Variants in CCSER1 observed in about 807,000 individuals in gnomAD.
The protein encoded by CCSER1 is serine-rich coiled-coil domain-containing protein 1.
CCSER1 carries 41 observed loss-of-function variants against 82.0 expected under a neutral mutation model. The ratio of observed to expected loss-of-function variants is 0.50; its 90% CI spans 0.39 to 0.65. CCSER1 has a LOEUF of 0.65. Among genes scored for constraint, CCSER1 ranks in the 30% least tolerant of loss-of-function variants. The probability of loss-of-function intolerance (pLI) is 0.00; values close to 1 mark genes in which losing one functional copy is unlikely to be tolerated. For synonymous variants in CCSER1, 414 were observed against 383.9 expected (o/e 1.08, Z -0.92); for missense variants, 1,119 against 1,064.2 (o/e 1.05, Z -0.72).
intron 10 of CCSER1, among the ~76,000 whole-genome samples, chr4:91,558,052 G>T (rs1482072620): frequency 2.0e-5 from 3 of 150,274 alleles, no homozygotes; most frequent in Non-Finnish European, 3.0e-5. Flanking sequence ...ATATTACAAA[G>T]AATTTTTACT....
intron 9 of CCSER1, among the ~76,000 whole-genome samples, chr4:90,935,810 A>G (rs1021936595): frequency 2.4e-4 from 36 of 152,058 alleles, no homozygotes; most frequent in African/African-American, 8.5e-4. Context: ...ACTACTGGGG[A>G]AAAAAAGGCA....
chr4:91,237,273 G>C (rs931195242), intron 10 of CCSER1, among the ~76,000 whole-genome samples: 1 of 151,624 alleles, frequency 6.6e-6, no homozygotes, highest in African/African-American at 2.4e-5. Context: ...GTTTAAGAAA[G>C]ATACTTAGAC....
intron 10 of CCSER1, among the ~76,000 whole-genome samples, chr4:91,303,347 A>G (rs975103579): frequency 1.1e-4 from 16 of 152,096 alleles, no homozygotes; most frequent in African/African-American, 3.9e-4. Context: ...CACAGCCACA[A>G]AGAGCCTAAG....
chr4:90,490,912 T>C (rs1332643435), intron 5 of CCSER1, among the ~76,000 whole-genome samples: 13 of 152,140 alleles, frequency 8.5e-5, no homozygotes, highest in Admixed American at 8.5e-4. Context: ...CCATGCTGTT[T>C]TGGTTACTAT....
At chr4:90,242,350 C>T (rs541342361) in intron 1 of CCSER1, among the ~76,000 whole-genome samples, 2 of 152,100 alleles carry the variant, frequency 1.3e-5, no homozygotes, top group South Asian at 4.2e-4. Context: ...ATGTAGTGGA[C>T]CTAGGAGTAC....
At chr4:90,294,365 A>G (rs1488574294) in intron 1 of CCSER1, among the ~76,000 whole-genome samples, 1 of 151,994 alleles carries the variant, frequency 6.6e-6, no homozygotes, top group Non-Finnish European at 1.5e-5. Flanking sequence ...GAAAAAAAAT[A>G]CAAAGTCTTT....
intron 8 of CCSER1, among the ~76,000 whole-genome samples, chr4:90,826,265 T>G (rs919518053): frequency 6.6e-5 from 10 of 152,200 alleles, no homozygotes; most frequent in African/African-American, 2.4e-4. Flanking sequence ...TCTTTTGGAC[T>G]CTAGTACAGA....
At chr4:90,485,076 G>T (rs960784639) in intron 5 of CCSER1, among the ~76,000 whole-genome samples, 2 of 152,206 alleles carry the variant, frequency 1.3e-5, no homozygotes, top group Admixed American at 6.5e-5. Flanking sequence ...GAGCAATGGC[G>T]GGCGCCCCTC....
At chr4:91,134,606 G>A (rs1180041345) in intron 10 of CCSER1, among the ~76,000 whole-genome samples, 1 of 152,014 alleles carries the variant, frequency 6.6e-6, no homozygotes, top group Non-Finnish European at 1.5e-5. Context: ...GGGGAGATTG[G>A]AAAATTATTC....
In CCSER1 at chr4:90,276,255, C is replaced by CTTTGT. The variant is rs1560929917; in HGVS notation, c.-41-31987_-41-31986insTGTTT. ...CTTTCTTTCTTTCTTTCTTTCTTTC[C>CTTTGT]TTCCTTCCTTCCTTCCTTCCTTCCT... is the stretch of plus-strand genomic sequence containing the variant. On this transcript the variant is annotated intron_variant, in intron 1 of 10. Coordinates refer to ENST00000509176, the MANE Select transcript of CCSER1 (RefSeq NM_001145065.2). Among the ~76,000 whole-genome samples the CTTTGT allele has an allele frequency of 2.9e-3, 151 of 52,846 alleles. 5 individuals carry two copies. Among genetic ancestry groups the CTTTGT allele is most frequent in the African/African-American group, 0.01 (142 of 13,876 alleles). The allele number at this position is 52,846 out of a possible 152,430, so 34.7% of individuals were successfully genotyped here. A position where few individuals can be genotyped will look rare whatever the true frequency, so the allele number is the denominator to read the frequency against.
intron 5 of CCSER1, among the ~76,000 whole-genome samples, chr4:90,538,640 C>T (rs1415786776): frequency 2.0e-5 from 3 of 152,102 alleles, no homozygotes; most frequent in South Asian, 2.1e-4. Flanking sequence ...ACAACCTTAA[C>T]GGCTAGCTCA....
intron 4 of CCSER1, among the ~76,000 whole-genome samples, chr4:90,421,024 A>T (rs1756608570): frequency 6.6e-6 from 1 of 152,164 alleles, no homozygotes; most frequent in Non-Finnish European, 1.5e-5. Context: ...TAAGAAAGCA[A>T]ACGCTGGTCT....
At chr4:90,396,206 C>A (rs147569552) in intron 3 of CCSER1, among the ~76,000 whole-genome samples, 3 of 152,260 alleles carry the variant, frequency 2.0e-5, no homozygotes, top group Non-Finnish European at 4.4e-5. Flanking sequence ...AGTTATCACT[C>A]TACTTCTACA....
intron 8 of CCSER1, among the ~76,000 whole-genome samples, chr4:90,874,040 G>A (rs944361811): frequency 1.3e-5 from 2 of 152,092 alleles, no homozygotes; most frequent in Non-Finnish European, 2.9e-5. Context: ...GAATGCTAAT[G>A]TAATGATAAG....
At chr4:90,967,841 AG>A (rs1444927365) in intron 9 of CCSER1, among the ~76,000 whole-genome samples, 1 of 152,086 alleles carries the variant, frequency 6.6e-6, no homozygotes, top group Non-Finnish European at 1.5e-5. Flanking sequence ...AGAACCTGGG[AG>A]TCCACTGGAA....
intron 1 of CCSER1, among the ~76,000 whole-genome samples, chr4:90,234,498 T>C (rs1002511590): frequency 4.6e-5 from 7 of 152,178 alleles, no homozygotes; most frequent in Non-Finnish European, 1.0e-4. Context: ...ATTACAGGCT[T>C]GAGCGACTGC....
rs965529220 is a variant in CCSER1 at position 90,323,422 on chromosome 4, C to T, written c.1509+10375C>T. 5.9e-5 allele frequency among the ~76,000 whole-genome samples: 9 copies of T among 152,180 alleles called. 1 individual carries two copies. The East Asian group carries it at 1.5e-3, about 26-fold the overall frequency. ...GAGCTAGCTGGAGCTCAGATTCCTA[C>T]CCCTAGGAGGGAGGATTCTCCTCTG... On this transcript the variant is annotated intron_variant, in intron 3 of 10. Transcript: ENST00000509176.
At chr4:90,145,237 A>G (rs1434355625) in intron 1 of CCSER1, among the ~76,000 whole-genome samples, 1 of 152,166 alleles carries the variant, frequency 6.6e-6, no homozygotes, top group African/African-American at 2.4e-5. Context: ...GTACCTTTTC[A>G]ATTTAACAAA....
rs765326048 is a variant in CCSER1, at chr4:91,424,799, C to T, written c.2218-173773C>T. The stretch of plus-strand genomic sequence containing the variant: ...TACAGAAGTAAATGTAATATCTTTC[C>T]GAGTATAGGTGATTAATAGCTATTG... On this transcript the variant is annotated intron_variant, in intron 10 of 10. Coordinates refer to ENST00000509176, the MANE Select transcript of CCSER1 (RefSeq NM_001145065.2). Among the ~76,000 whole-genome samples, 12 of 151,772 alleles carry T rather than the reference C, an allele frequency of 7.9e-5. No individual in the cohort carries two copies. The East Asian group carries it at 1.4e-3, about 17-fold the overall frequency.
Sources: allele counts gnomAD v4.1 joint callset (sites outside exome capture counted in the v4.1 genomes callset), GRCh38; gene constraint gnomAD v4.1.1; transcripts MANE v1.5; gene names NCBI Gene and HGNC (gene_info 2026-07-23, HGNC 2026-07-21).